Variants in DNAH9 observed in about 807,000 individuals in gnomAD.
DNAH9 encodes the protein DNAH9 variant protein.
Under a neutral mutation model 471.6 loss-of-function variants are expected in DNAH9, and 345 were observed. That is an observed-to-expected ratio of 0.73 (90% CI 0.67 to 0.80). The LOEUF (loss-of-function observed/expected upper bound fraction) is 0.80. DNAH9 is among the 30% of genes least tolerant of loss of function. DNAH9 has a pLI of 0.00. For missense variants in DNAH9, 5,407 were observed against 5,609.2 expected (o/e 0.96, Z 1.15); for synonymous variants, 2,093 against 2,123.6 (o/e 0.99, Z 0.40).
chr17:11,904,492 A>C (rs1207850458), intron 60 of DNAH9, among the ~76,000 whole-genome samples: 1 of 151,780 alleles, frequency 6.6e-6, no homozygotes, highest in Non-Finnish European at 1.5e-5. Flanking sequence ...AGCTAGGCAT[A>C]GTGGCACTCG....
chr17:11,933,115 A>G (rs1055395439), intron 64 of DNAH9, among the ~76,000 whole-genome samples: 4 of 152,050 alleles, frequency 2.6e-5, no homozygotes, highest in African/African-American at 4.8e-5. Context: ...CCTAAGTCTC[A>G]CACCAATGAA....
chr17:11,861,247 A>G lies in DNAH9; in HGVS notation c.9933+6819A>G, dbSNP rs1343742550. On this transcript the variant is annotated intron_variant, in intron 50 of 68. Transcript: ENST00000262442. ...TGTGTCCATGTGTTCTCATTGTTCA[A>G]TTCCCACCTATGAGTGAGAATATGC... Among the ~76,000 whole-genome samples the G allele has an allele frequency of 4.5e-4, 68 of 151,964 alleles. 1 individual carries two copies. The highest frequency in any genetic ancestry group is 2.6e-3 in the Admixed American group (39 of 15,264).
At chr17:11,862,028 A>G (rs1971867462) in intron 50 of DNAH9, among the ~76,000 whole-genome samples, 1 of 149,832 alleles carries the variant, frequency 6.7e-6, no homozygotes, top group Non-Finnish European at 1.5e-5. Context: ...TAGTTTAATT[A>G]CATCCCATTT....
intron 57 of DNAH9, among the ~76,000 whole-genome samples, chr17:11,888,207 A>G (rs937196070): frequency 6.6e-6 from 1 of 151,854 alleles, no homozygotes; most frequent in Non-Finnish European, 1.5e-5. Flanking sequence ...GATGGTCTCG[A>G]TCTCCGGACT....
rs148640977 is a variant in DNAH9 at position 11,882,417 on chromosome 17, T to C, written c.10806+1004T>C. Among the ~76,000 whole-genome samples, 110 of 152,312 alleles carry C rather than the reference T, an allele frequency of 7.2e-4. 1 individual carries two copies. Among genetic ancestry groups the C allele is most frequent in the African/African-American group, 2.4e-3 (98 of 41,566 alleles). The stretch of plus-strand genomic sequence containing the variant: ...TCCACAGCAGATAACGTGCTTTTTG[T>C]CCTCTCTTTAAATGTGATTAGATTA... On this transcript the variant is annotated intron_variant, in intron 55 of 68. Coordinates refer to ENST00000262442, the MANE Select transcript of DNAH9 (RefSeq NM_001372.4).
chr17:11,862,774 T>C (rs1410140587), intron 50 of DNAH9, among the ~76,000 whole-genome samples: 139 of 144,596 alleles, frequency 9.6e-4, no homozygotes, highest in South Asian at 2.7e-3. Flanking sequence ...TTTATTCTCT[T>C]TGAAGCAATT....
intron 27 of DNAH9, among the ~76,000 whole-genome samples, chr17:11,722,304 T>C (rs994744144): frequency 7.2e-5 from 11 of 152,168 alleles, no homozygotes; most frequent in African/African-American, 2.4e-4. Context: ...GCATCTCACC[T>C]TGAAGTGGGG....
At chr17:11,843,894 C>CACAT (rs1971123738) in intron 49 of DNAH9, among the ~76,000 whole-genome samples, 1 of 31,602 alleles carries the variant, frequency 3.2e-5, no homozygotes, top group African/African-American at 1.2e-4. Flanking sequence ...TATATATACA[C>CACAT]ATAGAGAGAG....
chr17:11,724,949 G>A (rs2075126992), intron 27 of DNAH9, among the ~76,000 whole-genome samples: 1 of 152,154 alleles, frequency 6.6e-6, no homozygotes, highest in South Asian at 2.1e-4. Flanking sequence ...TGGGGGTGAT[G>A]GGAGACAGTG....
intron 1 of DNAH9, among the ~76,000 whole-genome samples, chr17:11,607,550 A>T (rs1346368971): frequency 6.6e-6 from 1 of 152,074 alleles, no homozygotes; most frequent in Non-Finnish European, 1.5e-5. Flanking sequence ...CGTCCTCTTG[A>T]TAAAGAGTTT....
intron 35 of DNAH9, among the ~76,000 whole-genome samples, chr17:11,758,082 G>C (rs1240532044): frequency 6.6e-6 from 1 of 152,164 alleles, no homozygotes; most frequent in Non-Finnish European, 1.5e-5. Context: ...GGGTGAAAAT[G>C]GCACTTATTG....
At chr17:11,694,975 G>A (rs1386240182) in intron 22 of DNAH9, among the ~76,000 whole-genome samples, 3 of 149,738 alleles carry the variant, frequency 2.0e-5, no homozygotes, top group Admixed American at 6.7e-5. Flanking sequence ...TGCAACCTCC[G>A]CCTCCTGGGT....
At chr17:11,887,736 T>TCACACACACACA (rs35670481) in intron 57 of DNAH9, among the ~76,000 whole-genome samples, 13 of 147,504 alleles carry the variant, frequency 8.8e-5, no homozygotes, top group African/African-American at 3.0e-4. Flanking sequence ...ATACACACAG[T>TCACACACACACA]CACACACACA....
At chr17:11,613,585 C>T (rs74584543) in intron 4 of DNAH9, among the ~76,000 whole-genome samples, 2,319 of 152,260 alleles carry the variant, frequency 0.015, 67 homozygotes, top group African/African-American at 0.053. Flanking sequence ...AGCCTAGTGA[C>T]AGACCGAGAC....
At position 11,679,974 on chromosome 17, in the gene DNAH9, C is replaced by G. The variant is rs746100763; in HGVS notation, c.3571C>G (p.Leu1191Val). The change falls in exon 18 of 69, where the codon CTG becomes GTG. Residue 1191 changes from leucine to valine, a missense_variant. Physicochemically the swap from Leu to Val is conservative, Grantham distance 32. Coordinates refer to ENST00000262442, the MANE Select transcript of DNAH9 (RefSeq NM_001372.4). ...ATTGCCAGAAACAGTGTTTAAGCAG[C>G]TGGAGGTCAGTGCATTTATGTCTTC... ...QELPETVFKQ[L>V]EELPEKWNNI... 9.9e-6 allele frequency: 16 copies of G among 1,612,258 alleles called. No individual in the cohort carries two copies. The East Asian group carries it at 3.3e-4, about 34-fold the overall frequency.
chr17:11,666,290 T>A (rs1247845051), intron 15 of DNAH9, among the ~76,000 whole-genome samples: 2 of 152,130 alleles, frequency 1.3e-5, no homozygotes, highest in Non-Finnish European at 2.9e-5. Context: ...CATACTTGGG[T>A]GCAGGCAGTG....
chr17:11,871,464 G>T, intron 51 of DNAH9, 134 bp from the exon 52 acceptor site: 1 of 759,982 alleles, frequency 1.3e-6, no homozygotes, highest in South Asian at 1.8e-5. Context: ...CCCATTAACG[G>T]AAAGGGCCAT....
intron 26 of DNAH9, among the ~76,000 whole-genome samples, chr17:11,708,014 C>G (rs8078441): frequency 0.2 from 10,223 of 51,490 alleles, 916 homozygotes; most frequent in East Asian, 0.32. Context: ...CACACACACA[C>G]AGAGAGAGAG....
intron 12 of DNAH9, 25 bp downstream of exon 12, chr17:11,647,223 T>C (rs750296981): frequency 6.2e-7 from 1 of 1,608,984 alleles, no homozygotes; most frequent in Non-Finnish European, 8.5e-7. Context: ...AGTAGCTCTC[T>C]TTTGGGTTCC....
Sources: allele counts gnomAD v4.1 joint callset (sites outside exome capture counted in the v4.1 genomes callset), GRCh38; gene constraint gnomAD v4.1.1; transcripts MANE v1.5; gene names NCBI Gene and HGNC (gene_info 2026-07-23, HGNC 2026-07-21).